The following USP6NL variants were observed in gnomAD, a reference collection of about 807,000 sequenced individuals.
USP6NL encodes the protein USP6 N-terminal like.
A neutral mutation model predicts 61.9 loss-of-function variants in USP6NL; 26 were observed. The observed-to-expected ratio is 0.42, with a 90% confidence interval of 0.31 to 0.58. The LOEUF (loss-of-function observed/expected upper bound fraction) is 0.58, where lower values mean the gene tolerates loss of function less well. Ranked by LOEUF, USP6NL falls within the 20% of genes least tolerant of loss-of-function variation. The pLI, the probability that USP6NL is intolerant of heterozygous loss-of-function variation, is 0.16. For missense variants in USP6NL, 1,114 were observed against 1,034.3 expected (o/e 1.08, Z -1.06); for synonymous variants, 432 against 390.1 (o/e 1.11, Z -1.27).
chr10:11,588,160 A>G (rs1325150943), intron 2 of USP6NL, among the ~76,000 whole-genome samples: 2 of 152,224 alleles, frequency 1.3e-5, no homozygotes, highest in African/African-American at 4.8e-5. Flanking sequence ...CAATATCACA[A>G]AAGGTAAAGA....
intron 2 of USP6NL, among the ~76,000 whole-genome samples, chr10:11,539,829 C>T (rs1156337340): frequency 6.6e-6 from 1 of 152,232 alleles, no homozygotes; most frequent in Non-Finnish European, 1.5e-5. Flanking sequence ...CTGTGCTGAG[C>T]ATTTAACATG....
chr10:11,580,676 C>A (rs1431629260), intron 2 of USP6NL, among the ~76,000 whole-genome samples: 1 of 152,208 alleles, frequency 6.6e-6, no homozygotes, highest in Non-Finnish European at 1.5e-5. Flanking sequence ...CTGGGCACCA[C>A]AAAGTTTAAA....
chr10:11,535,561 T>C (rs1176760089), intron 2 of USP6NL, among the ~76,000 whole-genome samples: 2 of 152,294 alleles, frequency 1.3e-5, no homozygotes, highest in Middle Eastern at 6.8e-3. Context: ...AGCAAAGCAG[T>C]CACCACAAGA....
chr10:11,568,194 T>A (rs1022454164), intron 2 of USP6NL, among the ~76,000 whole-genome samples: 1 of 151,974 alleles, frequency 6.6e-6, no homozygotes, highest in Non-Finnish European at 1.5e-5. Flanking sequence ...CGTGCTTGTA[T>A]GCAAAGAGTA....
At chr10:11,571,835 GA>G (rs901780306) in intron 2 of USP6NL, among the ~76,000 whole-genome samples, 4 of 140,546 alleles carry the variant, frequency 2.8e-5, no homozygotes, top group Non-Finnish European at 6.2e-5. Context: ...AAGCTTCTAA[GA>G]AAAAAATCTA....
At chr10:11,469,725 A>C (rs1229129427) in intron 14 of USP6NL, among the ~76,000 whole-genome samples, 1 of 152,228 alleles carries the variant, frequency 6.6e-6, no homozygotes, top group Non-Finnish European at 1.5e-5. Context: ...GAGGCCCCGC[A>C]CAGTGGGGGA....
chr10:11,488,739 G>T (rs117099434), intron 10 of USP6NL, among the ~76,000 whole-genome samples: 335 of 152,230 alleles, frequency 2.2e-3, no homozygotes, highest in Non-Finnish European at 3.6e-3. Context: ...TCACTAAAAT[G>T]ATAATTTCAT....
rs1489727157 is a variant in USP6NL at position 11,468,908 on chromosome 10, G to A, written c.1079-5059C>T. 2.0e-5 allele frequency among the ~76,000 whole-genome samples: 3 copies of A among 152,144 alleles called. No homozygotes were observed. The highest frequency in any genetic ancestry group is 2.9e-5 in the Non-Finnish European group (2 of 68,018). On this transcript the variant is annotated intron_variant, in intron 14 of 14. Transcript: ENST00000609104. This position sits in a 1 kb window ranked among gnomAD's most constrained non-coding sequence, Gnocchi z 4.5. ...GGTAATTTCAGGCACAAAACAAAAT[G>A]CAAAGGTATGTGTCATACATACGTA... is the stretch of plus-strand genomic sequence containing the variant.
chr10:11,577,592 C>T (rs1387486595), intron 2 of USP6NL, among the ~76,000 whole-genome samples: 2 of 152,050 alleles, frequency 1.3e-5, no homozygotes, highest in Admixed American at 1.3e-4. Flanking sequence ...CCTCCGCCTC[C>T]CAGATTCAAG....
rs186703212 is a variant in USP6NL, at chr10:11,533,503, G to T, written c.5-5936C>A. 1.4e-3 allele frequency among the ~76,000 whole-genome samples: 213 copies of T among 152,340 alleles called. 1 individual carries two copies. The highest frequency in any genetic ancestry group is 4.7e-3 in the African/African-American group (196 of 41,572). Reference sequence around the variant, plus strand: ...GCATCATGCAAGTGGGTCCAGTGTGGTCACAAGAATCCTTCTGAACAGGAA... The same window carrying T: ...GCATCATGCAAGTGGGTCCAGTGTGTTCACAAGAATCCTTCTGAACAGGAA... On this transcript the variant is annotated intron_variant, in intron 2 of 14. Transcript: ENST00000609104.
intron 2 of USP6NL, among the ~76,000 whole-genome samples, chr10:11,558,914 C>A (rs1289765794): frequency 6.6e-6 from 1 of 152,060 alleles, no homozygotes; most frequent in Admixed American, 6.6e-5. Context: ...TTGGTAATTG[C>A]CTAGATGATA....
chr10:11,482,303 C>T lies in USP6NL; in HGVS notation c.926-381G>A, dbSNP rs1022252360. Among the ~76,000 whole-genome samples, 1 of 152,200 alleles carries T rather than the reference C, an allele frequency of 6.6e-6. No individual in the cohort carries two copies. Among genetic ancestry groups the T allele is most frequent in the Non-Finnish European group, 1.5e-5 (1 of 68,036 alleles). On this transcript the variant is annotated intron_variant, in intron 13 of 14. Transcript: ENST00000609104. The surrounding 1 kb of genome is among the most constrained non-coding windows in gnomAD (Gnocchi z 4.0). ...TTTATTGATACGGAGCTCCAAGAAG[C>T]CCCATTTTAAGTCTGTATTTCTTAC...
In USP6NL at chr10:11,499,446, G is replaced by A. The variant is rs1488610305; in HGVS notation, c.384+1655C>T. Among the ~76,000 whole-genome samples, 2 of 152,188 alleles carry A rather than the reference G, an allele frequency of 1.3e-5. No homozygotes were observed. Among genetic ancestry groups the A allele is most frequent in the Non-Finnish European group, 2.9e-5 (2 of 68,026 alleles). On this transcript the variant is annotated intron_variant, in intron 7 of 14. Transcript: ENST00000609104. The surrounding 1 kb of genome is among the most constrained non-coding windows in gnomAD (Gnocchi z 4.5). Reference sequence around the variant, plus strand: ...AGAGTACTATTAGCAGGCAAGCTGGGATGAATAGTGTCCCTCCAAAACTCA... The same window carrying A: ...AGAGTACTATTAGCAGGCAAGCTGGAATGAATAGTGTCCCTCCAAAACTCA...
Position 11,551,106 on chromosome 10 carries a change from C to T in USP6NL, c.5-23539G>A, listed in dbSNP as rs1242452267. Among the ~76,000 whole-genome samples the T allele has an allele frequency of 2.0e-5, 3 of 152,266 alleles. No individual in the cohort carries two copies. The East Asian group carries it at 5.8e-4, about 29-fold the overall frequency. ...AAGTTAGATATAAAATTGTATCATACTGACCAGCAATCTCACTCCTAGGTA... is the reference window on the plus strand; with the variant it reads ...AAGTTAGATATAAAATTGTATCATATTGACCAGCAATCTCACTCCTAGGTA... On this transcript the variant is annotated intron_variant, in intron 2 of 14. Coordinates refer to ENST00000609104, the MANE Select transcript of USP6NL (RefSeq NM_014688.5).
At chr10:11,526,768 A>T (rs1835437348) in intron 3 of USP6NL, among the ~76,000 whole-genome samples, 1 of 152,200 alleles carries the variant, frequency 6.6e-6, no homozygotes, top group Non-Finnish European at 1.5e-5. Flanking sequence ...GCTAGGACTC[A>T]TTATAGACCT....
chr10:11,508,306 C>T (rs1388463393), intron 6 of USP6NL, among the ~76,000 whole-genome samples: 1 of 152,262 alleles, frequency 6.6e-6, no homozygotes, highest in East Asian at 1.9e-4. Flanking sequence ...AATCTTCATC[C>T]CTTTGAAATG....
chr10:11,510,558 A>T lies in USP6NL; in HGVS notation c.196-883T>A, dbSNP rs1834660989. On this transcript the variant is annotated intron_variant, in intron 5 of 14. Coordinates refer to ENST00000609104, the MANE Select transcript of USP6NL (RefSeq NM_014688.5). This position sits in a 1 kb window ranked among gnomAD's most constrained non-coding sequence, Gnocchi z 4.8. ...AGGGGCAAGGCTGCGGAATGGGGAA[A>T]GTGAGACGGAAAATGCTCGCTCTTC... Among the ~76,000 whole-genome samples the T allele has an allele frequency of 6.6e-6, 1 of 152,212 alleles. No homozygotes were observed. The highest frequency in any genetic ancestry group is 2.4e-5 in the African/African-American group (1 of 41,452).
rs1838880227 is a variant in USP6NL at position 11,611,183 on chromosome 10, C to CCCCGCGCGGCGCCCCCAG, written c.-84+242_-84+259dup. 2 of 152,040 alleles carry CCCCGCGCGGCGCCCCCAG rather than the reference C, an allele frequency of 1.3e-5. No individual in the cohort carries two copies. Among genetic ancestry groups the CCCCGCGCGGCGCCCCCAG allele is most frequent in the Non-Finnish European group, 2.9e-5 (2 of 68,004 alleles). 9.4% of individuals were successfully genotyped at this position (152,040 alleles called of 1,614,324 possible). A position where few individuals can be genotyped will look rare whatever the true frequency, so the allele number is the denominator to read the frequency against. On this transcript the variant is annotated intron_variant, in intron 1 of 14. Transcript: ENST00000609104. The surrounding 1 kb of genome is among the most constrained non-coding windows in gnomAD (Gnocchi z 5.3). ...GGTTCCACCCCCGGGCCTCCCCGCA[C>CCCCGCGCGGCGCCCCCAG]CCCGCGCGGCGCCCCCAGCCCGCCC...
intron 2 of USP6NL, among the ~76,000 whole-genome samples, chr10:11,576,851 C>T (rs549489241): frequency 6.6e-6 from 1 of 152,266 alleles, no homozygotes; most frequent in African/African-American, 2.4e-5. Context: ...TCTTTCCACC[C>T]TTTCCATATA....
Sources: gnomAD v4.1 joint callset for allele counts (sites outside exome capture counted in the v4.1 genomes callset) on GRCh38, gnomAD v4.1.1 for gene constraint, Gnocchi (gnomAD v3.1) non-coding constraint, MANE v1.5 for transcripts, NCBI Gene and HGNC (gene_info 2026-07-23, HGNC 2026-07-21) for gene names.